Variants in NPSR1 observed in about 807,000 individuals in gnomAD.
NPSR1 encodes neuropeptide S receptor.
Under a neutral mutation model 46.9 loss-of-function variants are expected in NPSR1, and 48 were observed. That is an observed-to-expected ratio of 1.02 (90% confidence interval 0.81 to 1.30). The LOEUF (loss-of-function observed/expected upper bound fraction) is 1.30, where lower values mean the gene tolerates loss of function less well. Ranked by LOEUF, NPSR1 falls within the 50% of genes most tolerant of loss-of-function variation. The pLI is 0.00. For missense variants in NPSR1, 450 were observed against 449.5 expected (o/e 1.00, Z -0.01); for synonymous variants, 176 against 168.1 (o/e 1.05, Z -0.36).
At chr7:34,722,551 G>A (rs965404277) in intron 2 of NPSR1, among the ~76,000 whole-genome samples, 3 of 152,162 alleles carry the variant, frequency 2.0e-5, no homozygotes, top group Non-Finnish European at 4.4e-5. Context: ...ACATGTAAAG[G>A]ATTTAAACAA....
At chr7:34,766,394 C>T (rs1160225460) in intron 2 of NPSR1, among the ~76,000 whole-genome samples, 1 of 152,110 alleles carries the variant, frequency 6.6e-6, no homozygotes, top group Non-Finnish European at 1.5e-5. Flanking sequence ...ACACAAAAAC[C>T]TGTACATGAA....
chr7:34,668,851 A>G (rs1015223449), intron 1 of NPSR1, among the ~76,000 whole-genome samples: 1 of 152,200 alleles, frequency 6.6e-6, no homozygotes, highest in Non-Finnish European at 1.5e-5. Context: ...CATTGGCCAA[A>G]GTAAGTTCAT....
intron 2 of NPSR1, among the ~76,000 whole-genome samples, chr7:34,687,183 T>G (rs1321034836): frequency 6.6e-6 from 1 of 151,742 alleles, no homozygotes; most frequent in Non-Finnish European, 1.5e-5. Flanking sequence ...CAAAGGAAGT[T>G]GCTCCCTAAA....
At chr7:34,709,050 G>T (rs770148638) in intron 2 of NPSR1, among the ~76,000 whole-genome samples, 1 of 152,094 alleles carries the variant, frequency 6.6e-6, no homozygotes, top group African/African-American at 2.4e-5. Context: ...CCACCATCTT[G>T]CCTGTGAGGG....
intron 1 of NPSR1, among the ~76,000 whole-genome samples, chr7:34,683,391 G>A (rs1346847054): frequency 6.6e-6 from 1 of 150,418 alleles, no homozygotes; most frequent in Non-Finnish European, 1.5e-5. Context: ...AGCTTGCAGT[G>A]AGCTAAGGTC....
intron 2 of NPSR1, among the ~76,000 whole-genome samples, chr7:34,726,239 G>T (rs1562681815): frequency 6.6e-6 from 1 of 152,136 alleles, no homozygotes; most frequent in Non-Finnish European, 1.5e-5. Flanking sequence ...TACACAGATG[G>T]CAAATGAACA....
chr7:34,849,197 T>G lies in NPSR1; in HGVS notation c.1026-368T>G, dbSNP rs1253540502. On this transcript the variant is annotated intron_variant, in intron 8 of 8. Transcript: ENST00000360581. The stretch of plus-strand genomic sequence containing the variant: ...CATAGGAGATACAAGAGGAGAATGA[T>G]TTAAGTCTTGGGCTTAATGCCAGTG... 4 of 672,874 alleles carry G rather than the reference T, an allele frequency of 5.9e-6. No homozygotes were observed. The East Asian group carries it at 1.1e-4, about 18-fold the overall frequency. 41.7% of individuals were successfully genotyped at this position (672,874 alleles called of 1,614,324 possible).
At chr7:34,734,601 T>A (rs1784582493) in intron 2 of NPSR1, among the ~76,000 whole-genome samples, 1 of 152,160 alleles carries the variant, frequency 6.6e-6, no homozygotes, top group African/African-American at 2.4e-5. Context: ...CCAAAAATAA[T>A]CTTTTCTTTG....
intron 1 of NPSR1, among the ~76,000 whole-genome samples, chr7:34,664,372 C>A (rs183404305): frequency 6.6e-6 from 1 of 152,272 alleles, no homozygotes; most frequent in East Asian, 1.9e-4. Flanking sequence ...CTTGTATAGC[C>A]TTAAAGAACA....
intron 8 of NPSR1, among the ~76,000 whole-genome samples, chr7:34,855,272 A>G (rs1264691301): frequency 6.6e-6 from 1 of 152,070 alleles, no homozygotes; most frequent in Admixed American, 6.5e-5. Context: ...AAATTAATGA[A>G]ATAAGAAACA....
At chr7:34,777,973 AG>A (rs899527963) in intron 2 of NPSR1, among the ~76,000 whole-genome samples, 3 of 152,128 alleles carry the variant, frequency 2.0e-5, no homozygotes, top group African/African-American at 7.2e-5. Context: ...GGAAAGGAGA[AG>A]AAAGCAAAGA....
chr7:34,763,372 C>A (rs1212847974), intron 2 of NPSR1, among the ~76,000 whole-genome samples: 3 of 152,158 alleles, frequency 2.0e-5, no homozygotes, highest in African/African-American at 7.2e-5. Flanking sequence ...CAAGCAACAG[C>A]AGTAATAATG....
intron 2 of NPSR1, among the ~76,000 whole-genome samples, chr7:34,702,567 C>G (rs1342530190): frequency 6.6e-6 from 1 of 152,214 alleles, no homozygotes; most frequent in Non-Finnish European, 1.5e-5. Context: ...GCTACGCTCT[C>G]TTCTAATGAC....
intron 3 of NPSR1, among the ~76,000 whole-genome samples, chr7:34,804,941 G>A (rs992369949): frequency 6.6e-6 from 1 of 151,830 alleles, no homozygotes; most frequent in Non-Finnish European, 1.5e-5. Context: ...TACCATTTAT[G>A]TGAACACCAA....
At chr7:34,733,669 T>G (rs897847502) in intron 2 of NPSR1, among the ~76,000 whole-genome samples, 4 of 152,174 alleles carry the variant, frequency 2.6e-5, no homozygotes, top group African/African-American at 9.7e-5. Flanking sequence ...ATCATAGAGA[T>G]GTAATGCAAT....
At chr7:34,686,292 T>C (rs902946082) in intron 2 of NPSR1, 6 of 152,184 alleles carry the variant, frequency 3.9e-5, no homozygotes, top group African/African-American at 1.4e-4. Flanking sequence ...AGGGGTCAGG[T>C]CAGAAGCATT....
intron 1 of NPSR1, among the ~76,000 whole-genome samples, chr7:34,673,032 C>T (rs1363614423): frequency 2.6e-5 from 4 of 152,176 alleles, no homozygotes; most frequent in South Asian, 2.1e-4. Context: ...CCTTCACTTA[C>T]GCTGTTGCCA....
chr7:34,845,930 G>T (rs963418671), intron 7 of NPSR1, among the ~76,000 whole-genome samples: 5 of 152,122 alleles, frequency 3.3e-5, no homozygotes, highest in African/African-American at 1.2e-4. Flanking sequence ...AAGCTCCAAG[G>T]AAGTATAGAT....
At chr7:34,852,048 A>C (rs1226804956), downstream of NPSR1, among the ~76,000 whole-genome samples, 3 of 152,356 alleles carry the variant, frequency 2.0e-5, no homozygotes, top group Middle Eastern at 3.4e-3. Flanking sequence ...CTGTAATCCC[A>C]GCACTTTGGG....
Sources: allele counts gnomAD v4.1 joint callset (sites outside exome capture counted in the v4.1 genomes callset), GRCh38; gene constraint gnomAD v4.1.1; transcripts MANE v1.5; gene names NCBI Gene and HGNC (gene_info 2026-07-23, HGNC 2026-07-21).